Variants in GLRA2 observed in about 807,000 individuals in gnomAD.
The protein encoded by GLRA2 is glycine receptor alpha 2.
A neutral mutation model predicts 31.6 loss-of-function variants in GLRA2; 11 were observed. The ratio of observed to expected loss-of-function variants is 0.35; its 90% confidence interval spans 0.22 to 0.58. GLRA2 has a LOEUF of 0.58. Among genes scored for constraint, GLRA2 ranks in the 20% least tolerant of loss-of-function variants. The pLI, the probability that GLRA2 is intolerant of heterozygous loss-of-function variation, is 0.84. For synonymous variants in GLRA2, 132 were observed against 134.0 expected, an observed-to-expected ratio of 0.99 and a Z score of 0.10; for missense variants, 212 against 351.8, an observed-to-expected ratio of 0.60 and a Z score of 3.18.
intron 2 of GLRA2, among the ~76,000 whole-genome samples, chrX:14,554,988 G>A (rs780722487): frequency 4.3e-4 from 48 of 111,514 alleles, no homozygotes; most frequent in African/African-American, 1.2e-3. Context: ...GTTTTTTACT[G>A]AAGCATAATT....
At chrX:14,723,566 A>C (rs1170206061) in intron 8 of GLRA2, among the ~76,000 whole-genome samples, 1 of 111,768 alleles carries the variant, frequency 8.9e-6, no homozygotes, top group Non-Finnish European at 1.9e-5. Context: ...TTGGTTCTCA[A>C]AATAAAGCTT....
At chrX:14,682,199 C>T (rs899891621) in intron 7 of GLRA2, among the ~76,000 whole-genome samples, 3 of 108,242 alleles carry the variant, frequency 2.8e-5, no homozygotes, top group African/African-American at 1.0e-4. Flanking sequence ...GATATCTTGG[C>T]TAAGTCCTAA....
chrX:14,540,019 ATAAT>A (rs2089379818), intron 2 of GLRA2, among the ~76,000 whole-genome samples: 1 of 111,622 alleles, frequency 9.0e-6, no homozygotes, highest in African/African-American at 3.3e-5. Context: ...ATTTTAATAA[ATAAT>A]TAGTGACTAG....
intron 8 of GLRA2, among the ~76,000 whole-genome samples, chrX:14,706,379 C>G (rs1601866259): frequency 8.9e-6 from 1 of 112,242 alleles, no homozygotes; most frequent in East Asian, 2.8e-4. Context: ...GCAATATGCA[C>G]AGTCTAAAAC....
chrX:14,525,117 T>C (rs2089183373), upstream of GLRA2, among the ~76,000 whole-genome samples: 1 of 111,749 alleles, frequency 8.9e-6, no homozygotes, highest in Non-Finnish European at 1.9e-5. Context: ...ATACTGATGT[T>C]AAGAAAAGTG....
intron 7 of GLRA2, among the ~76,000 whole-genome samples, chrX:14,633,138 A>G (rs2090669617): frequency 8.9e-6 from 1 of 112,154 alleles, no homozygotes; most frequent in African/African-American, 3.2e-5. Flanking sequence ...CACAAAGATG[A>G]CCAGAAACAA....
At chrX:14,676,519 G>C in intron 7 of GLRA2, among the ~76,000 whole-genome samples, 1 of 111,979 alleles carries the variant, frequency 8.9e-6, no homozygotes, top group East Asian at 2.8e-4. Flanking sequence ...CAGTTCTCTG[G>C]GGTCAGCCTA....
At chrX:14,692,308 C>T (rs948471514) in intron 8 of GLRA2, among the ~76,000 whole-genome samples, 4 of 112,386 alleles carry the variant, frequency 3.6e-5, no homozygotes, top group East Asian at 2.8e-4. Flanking sequence ...TTGGTGCTAA[C>T]GTTTCTTTAA....
the GLRA2 span, among the ~76,000 whole-genome samples, chrX:14,491,256 T>C: frequency 9.0e-6 from 1 of 111,715 alleles, no homozygotes; most frequent in Non-Finnish European, 1.9e-5. Context: ...AGTTCAAAAA[T>C]AGGATCATAT....
upstream of GLRA2, among the ~76,000 whole-genome samples, chrX:14,528,558 T>G (rs2089211844): frequency 8.9e-6 from 1 of 111,936 alleles, no homozygotes; most frequent in African/African-American, 3.3e-5. Context: ...TCTTTTTTAT[T>G]AATAATAATA....
intron 8 of GLRA2, among the ~76,000 whole-genome samples, chrX:14,692,983 G>A (rs1175157964): frequency 9.1e-6 from 1 of 109,791 alleles, no homozygotes; most frequent in Non-Finnish European, 1.9e-5. Context: ...CATGGCACAT[G>A]TATACATATG....
intron 7 of GLRA2, among the ~76,000 whole-genome samples, chrX:14,677,240 A>T (rs749130289): frequency 9.0e-6 from 1 of 111,049 alleles, no homozygotes; most frequent in African/African-American, 3.3e-5. Context: ...ATATAAAGCA[A>T]TAATTGTGAA....
At chrX:14,504,389 A>G in the GLRA2 span, among the ~76,000 whole-genome samples, 1 of 111,425 alleles carries the variant, frequency 9.0e-6, no homozygotes, top group Non-Finnish European at 1.9e-5. Flanking sequence ...AAAGAGACAC[A>G]GAGTTGAGCC....
At chrX:14,703,408 T>A (rs1268287518) in intron 8 of GLRA2, among the ~76,000 whole-genome samples, 2 of 111,722 alleles carry the variant, frequency 1.8e-5, no homozygotes, top group Non-Finnish European at 3.8e-5. Context: ...TCCATTGCCA[T>A]GTGTACCTCT....
At position 14,623,906 on chromosome X, in the gene GLRA2, A is replaced by G. The variant is rs1275468340; in HGVS notation, c.930+14701A>G. ...ATTCCCTCTTTTTCTATTGATTGGA[A>G]GAGTTTCAGAAGGAATGGTACCATC... is the stretch of plus-strand genomic sequence containing the variant. On this transcript the variant is annotated intron_variant, in intron 7 of 8. Coordinates refer to ENST00000218075, the MANE Select transcript of GLRA2 (RefSeq NM_002063.4). Among the ~76,000 whole-genome samples the G allele has an allele frequency of 4.5e-5, 5 of 111,795 alleles. No individual in the cohort carries two copies. The Admixed American group carries it at 4.7e-4, about 11-fold the overall frequency.
chrX:14,560,252 A>G (rs543744497), intron 2 of GLRA2, among the ~76,000 whole-genome samples: 5 of 112,683 alleles, frequency 4.4e-5, no homozygotes, highest in African/African-American at 1.6e-4. Flanking sequence ...GTGGTACTTG[A>G]AGACACATTA....
the GLRA2 span, among the ~76,000 whole-genome samples, chrX:14,504,574 G>C: frequency 9.0e-6 from 1 of 111,387 alleles, no homozygotes; most frequent in Non-Finnish European, 1.9e-5. Context: ...GTGAAGTAAC[G>C]GACACTTTGG....
intron 2 of GLRA2, among the ~76,000 whole-genome samples, chrX:14,556,299 G>C (rs781125656): frequency 1.3e-4 from 15 of 111,733 alleles, no homozygotes; most frequent in Non-Finnish European, 2.3e-4. Flanking sequence ...ATTAACATGA[G>C]AGAAAGTCAT....
intron 7 of GLRA2, among the ~76,000 whole-genome samples, chrX:14,613,495 A>T (rs763642246): frequency 8.9e-6 from 1 of 112,243 alleles, no homozygotes; most frequent in Non-Finnish European, 1.9e-5. Context: ...AACAATAAAA[A>T]AAATAACCAA....
Sources: gnomAD v4.1 joint callset for allele counts (sites outside exome capture counted in the v4.1 genomes callset) on GRCh38, gnomAD v4.1.1 for gene constraint, MANE v1.5 for transcripts, NCBI Gene and HGNC (gene_info 2026-07-23, HGNC 2026-07-21) for gene names.